Variants in OSCAR observed in about 807,000 individuals in gnomAD.
OSCAR encodes osteoclast associated Ig-like receptor.
In OSCAR, 25 loss-of-function variants were observed where a neutral mutation model predicts 27.3. The ratio of observed to expected loss-of-function variants is 0.92; its 90% CI spans 0.67 to 1.28. The LOEUF is 1.28. Among genes scored for constraint, OSCAR ranks in the 50% most tolerant of loss-of-function variants. The pLI is 0.00. For synonymous variants in OSCAR, 158 were observed against 165.7 expected (o/e 0.95, Z 0.36); for missense variants, 354 against 355.1 (o/e 1.00, Z 0.03).
In OSCAR at chr19:54,097,168, A is replaced by G. The variant is rs768458512; in HGVS notation, c.71-4T>C. 1 of 1,607,592 alleles carries G rather than the reference A, an allele frequency of 6.2e-7. No individual in the cohort carries two copies. Among genetic ancestry groups the G allele is most frequent in the South Asian group, 1.1e-5 (1 of 90,926 alleles). On this transcript the variant is annotated splice_region_variant and splice_polypyrimidine_tract_variant and intron_variant, in intron 2 of 4. Coordinates refer to ENST00000358375, the MANE Select transcript of OSCAR (RefSeq NM_133169.6). ...GGGTGGTATGAAGCTGGGGGGACTG[A>G]ATAAACGGGGCTGCCTGGGTCCTCG...
At position 54,095,244 on chromosome 19, in the gene OSCAR, C is replaced by A. The variant is rs1289199188; in HGVS notation, c.769G>T (p.Ala257Ser). 6.2e-7 allele frequency: 1 copy of A among 1,611,560 alleles called. No individual in the cohort carries two copies. The highest frequency in any genetic ancestry group is 1.7e-5 in the Admixed American group (1 of 59,686). ...VTFDWRSQNR[A>S]PAGIRP is the part of the protein sequence containing the mutation. ...GCTCAGGGGCGGATACCAGCAGGAG[C>A]GCGGTTCTGACTGCGCCAGTCAAAA... The change falls in exon 5 of 5, where the codon GCT becomes TCT. Residue 257 changes from alanine to serine, a missense_variant. By Grantham distance (99) the Ala-to-Ser change is moderately conservative (BLOSUM62 1). Transcript: ENST00000358375.
Position 54,095,076 on chromosome 19 carries a change from A to T in OSCAR, c.*145T>A. On this transcript the variant is annotated 3_prime_UTR_variant, in exon 5 of 5. Coordinates refer to ENST00000358375, the MANE Select transcript of OSCAR (RefSeq NM_133169.6). ...TGGGAAAGGCCTGGAAAGAAGCTAC[A>T]GCACAGGGCACAGCGGGGTCTAAGG... 1.5e-6 allele frequency: 2 copies of T among 1,316,620 alleles called. No individual in the cohort carries two copies. Among genetic ancestry groups the T allele is most frequent in the Non-Finnish European group, 2.0e-6 (2 of 996,422 alleles). The allele number at this position is 1,316,620 out of a possible 1,614,324, so 81.6% of individuals were successfully genotyped here.
intron 2 of OSCAR, among the ~76,000 whole-genome samples, chr19:54,099,257 A>G (rs372464398): frequency 1.5e-3 from 107 of 70,210 alleles, no homozygotes; most frequent in African/African-American, 5.2e-3. Flanking sequence ...TTTTTTTAGT[A>G]GAGACGGGGT....
Position 54,096,138 on chromosome 19 carries a change from G to C in OSCAR, c.389C>G (p.Pro130Arg). ...CGGCCCGGGCAGCGCCACCAGCGAC[G>C]GCCGCGGCAGCTCCTCTGCAGAGAC... ...ELLVTEELPR[P>R]SLVALPGPVV... Residue 130 changes from proline to arginine, a missense_variant, in exon 4 of 5, where the codon CCG becomes CGG. By Grantham distance (103) the Pro-to-Arg change is moderately radical. Coordinates refer to ENST00000358375, the MANE Select transcript of OSCAR (RefSeq NM_133169.6). The C allele has an allele frequency of 6.6e-7, 1 of 1,522,714 alleles. No homozygotes were observed. Among genetic ancestry groups the C allele is most frequent in the Non-Finnish European group, 8.8e-7 (1 of 1,142,072 alleles). The allele number at this position is 1,522,714 out of a possible 1,614,324, so 94.3% of individuals were successfully genotyped here.
chr19:54,100,769 C>A lies in OSCAR; in HGVS notation c.24G>T (p.Gln8His). 6.4e-7 allele frequency: 1 copy of A among 1,552,256 alleles called. No individual in the cohort carries two copies. Among genetic ancestry groups the A allele is most frequent in the Non-Finnish European group, 8.7e-7 (1 of 1,147,226 alleles). The change falls in exon 1 of 5, where the codon CAG (glutamine) becomes CAT (histidine). Residue 8 changes from glutamine to histidine, a missense_variant. Gln to His is a conservative substitution (Grantham distance 24). Coordinates refer to ENST00000358375, the MANE Select transcript of OSCAR (RefSeq NM_133169.6). Reference sequence around the variant, plus strand: ...GGGGTGACTCACAGAGGGTCAGCAGCTGGAGGATCAGCACCAGGGCCATGG... The same window carrying A: ...GGGGTGACTCACAGAGGGTCAGCAGATGGAGGATCAGCACCAGGGCCATGG... MALVLIL[Q>H]LLTLWPLCHT...
chr19:54,095,577 T>C, intron 4 of OSCAR: 4 of 1,237,960 alleles, frequency 3.2e-6, no homozygotes, highest in South Asian at 1.6e-5. Context: ...CCTGGAGTCC[T>C]GGGTCCAGGA....
chr19:54,095,741 G>GTCCT, intron 4 of OSCAR, 131 bp downstream of exon 4: 1 of 1,404,706 alleles, frequency 7.1e-7, no homozygotes, highest in South Asian at 1.3e-5. Context: ...GAGGGAGGAG[G>GTCCT]GGCTGCAGGA....
intron 2 of OSCAR, among the ~76,000 whole-genome samples, chr19:54,099,142 A>C (rs1345516450): frequency 2.0e-5 from 3 of 149,998 alleles, no homozygotes; most frequent in Non-Finnish European, 1.5e-5. Context: ...AGCTTACTGC[A>C]ACCTCTGCCT....
At chr19:54,099,512 A>G in intron 2 of OSCAR, 2 of 1,336,986 alleles carry the variant, frequency 1.5e-6, no homozygotes, top group East Asian at 2.3e-5. Flanking sequence ...ATATGGTCAC[A>G]TATAAATGAA....
intron 3 of OSCAR, 74 bp from the exon 4 acceptor site, chr19:54,096,227 CCT>C: frequency 1.6e-6 from 2 of 1,289,750 alleles, no homozygotes; most frequent in Non-Finnish European, 2.1e-6. Context: ...TTCTCCTTCT[CCT>C]CTGTCTCTCG....
chr19:54,100,012 A>G (rs961799724), intron 1 of OSCAR, among the ~76,000 whole-genome samples: 2 of 152,026 alleles, frequency 1.3e-5, no homozygotes, highest in South Asian at 2.1e-4. Flanking sequence ...GGGTTTCGCC[A>G]TGTTGGTCAG....
chr19:54,100,192 C>T (rs370599932), intron 1 of OSCAR, among the ~76,000 whole-genome samples: 60 of 152,298 alleles, frequency 3.9e-4, no homozygotes, highest in African/African-American at 1.4e-3. Context: ...TTCCCAGCTC[C>T]TATCTCCTCT....
intron 2 of OSCAR, among the ~76,000 whole-genome samples, chr19:54,099,323 C>T (rs1257015395): frequency 6.7e-6 from 1 of 149,936 alleles, no homozygotes; most frequent in East Asian, 2.0e-4. Context: ...CCCGCCTCTG[C>T]CTCCCAAAGT....
rs372803111 is a variant in OSCAR at position 54,095,320 on chromosome 19, G to T, written c.693C>A (p.Val231=). The change falls in exon 5 of 5, where the codon GTC becomes GTA. Residue 231 remains valine (V), a synonymous_variant. Transcript: ENST00000358375. ...GSSDYTRGNL[V]RLGLAGLVLI... ...GGACCAGCCCGGCCAGCCCCAGGCGGACTAGGTTCCCCCGGGTGTAGTCGG... is the reference window on the plus strand; with the variant it reads ...GGACCAGCCCGGCCAGCCCCAGGCGTACTAGGTTCCCCCGGGTGTAGTCGG... 81 of 1,579,404 alleles carry T rather than the reference G, an allele frequency of 5.1e-5. No homozygotes were observed. The African/African-American group carries it at 1.0e-3, about 20-fold the overall frequency.
chr19:54,099,845 C>A, intron 1 of OSCAR, 65 bp from the exon 2 acceptor site: 4 of 1,539,464 alleles, frequency 2.6e-6, no homozygotes, highest in Non-Finnish European at 3.5e-6. Flanking sequence ...CAGAGTCTCA[C>A]TCTGTCGCCC....
At chr19:54,099,713 G>A in intron 2 of OSCAR, 35 bp downstream of exon 2, 1 of 1,613,850 alleles carries the variant, frequency 6.2e-7, no homozygotes, top group Non-Finnish European at 8.5e-7. Context: ...AGGGGTGTCA[G>A]CAACAAAAGG....
chr19:54,097,582 GA>G (rs1385081992), intron 2 of OSCAR, among the ~76,000 whole-genome samples: 5 of 103,406 alleles, frequency 4.8e-5, no homozygotes, highest in Non-Finnish European at 7.4e-5. Flanking sequence ...ACCACACCCA[GA>G]CTTTTTTTTT....
chr19:54,095,064 G>A lies in OSCAR; in HGVS notation c.*157C>T. On this transcript the variant is annotated 3_prime_UTR_variant, in exon 5 of 5. Transcript: ENST00000358375. Reference sequence around the variant, plus strand: ...TCAGCTACTCCTTGGGAAAGGCCTGGAAAGAAGCTACAGCACAGGGCACAG... The same window carrying A: ...TCAGCTACTCCTTGGGAAAGGCCTGAAAAGAAGCTACAGCACAGGGCACAG... 2 of 1,251,440 alleles carry A rather than the reference G, an allele frequency of 1.6e-6. No individual in the cohort carries two copies. Among genetic ancestry groups the A allele is most frequent in the Non-Finnish European group, 2.1e-6 (2 of 944,534 alleles). The allele number at this position is 1,251,440 out of a possible 1,614,324, so 77.5% of individuals were successfully genotyped here.
At chr19:54,096,568 G>C (rs1425257484) in intron 3 of OSCAR, among the ~76,000 whole-genome samples, 81 of 79,200 alleles carry the variant, frequency 1.0e-3, no homozygotes, top group Admixed American at 2.8e-3. Context: ...CTCTCTCTCT[G>C]CCTGCCTCTC....
Sources: allele counts gnomAD v4.1 joint callset (sites outside exome capture counted in the v4.1 genomes callset), GRCh38; gene constraint gnomAD v4.1.1; transcripts MANE v1.5; gene names NCBI Gene and HGNC (gene_info 2026-07-23, HGNC 2026-07-21).